Variants in ARHGEF12 observed in about 807,000 individuals in gnomAD.
ARHGEF12 encodes the protein KMT2A/ARHGEF12 fusion protein.
In ARHGEF12, 66 loss-of-function variants were observed where a neutral mutation model predicts 211.2. That is an observed-to-expected ratio of 0.31 (90% CI 0.26 to 0.38). ARHGEF12 has a LOEUF of 0.38. ARHGEF12 is among the 10% of genes least tolerant of loss of function. ARHGEF12 has a pLI of 1.00. For synonymous variants in ARHGEF12, 592 were observed against 638.4 expected, an observed-to-expected ratio of 0.93 and a Z score of 1.09; for missense variants, 1,429 against 1,869.5, an observed-to-expected ratio of 0.76 and a Z score of 4.34.
chr11:120,405,762 T>C (rs982771162), intron 1 of ARHGEF12, among the ~76,000 whole-genome samples: 2 of 152,218 alleles, frequency 1.3e-5, no homozygotes, highest in Non-Finnish European at 2.9e-5. Flanking sequence ...TATCTCTTCA[T>C]AGAGATTTCT....
chr11:120,435,612 T>C (rs1242767572), intron 11 of ARHGEF12, among the ~76,000 whole-genome samples: 1 of 151,396 alleles, frequency 6.6e-6, no homozygotes, highest in African/African-American at 2.4e-5. Flanking sequence ...CCTCCCGGGT[T>C]CGTGCCATTC....
At chr11:120,477,888 A>T (rs11217886) in intron 36 of ARHGEF12, among the ~76,000 whole-genome samples, 1 of 144,096 alleles carries the variant, frequency 6.9e-6, no homozygotes, top group African/African-American at 2.5e-5. Context: ...AAAAAGAAAA[A>T]AAAGAAAATA....
chr11:120,451,471 C>G, intron 21 of ARHGEF12, 41 bp from the exon 22 acceptor site: 1 of 1,601,594 alleles, frequency 6.2e-7, no homozygotes, highest in Non-Finnish European at 8.5e-7. Flanking sequence ...GCCACCGCAC[C>G]CAGCCGCAAT....
chr11:120,477,081 TTTGTTGTTG>T (rs146792075), intron 34 of ARHGEF12, 129 bp from the exon 35 acceptor site: 90,314 of 661,412 alleles, frequency 0.14, 6,733 homozygotes, highest in Middle Eastern at 0.16. Flanking sequence ...CAGAGTGGGT[TTTGTTGTTG>T]TTGTTGTTGT....
intron 1 of ARHGEF12, among the ~76,000 whole-genome samples, chr11:120,380,060 C>T (rs145488801): frequency 1.3e-5 from 2 of 152,114 alleles, no homozygotes; most frequent in Non-Finnish European, 2.9e-5. Flanking sequence ...GATAATTCAC[C>T]AGTGAAGTGA....
At chr11:120,483,258 CTTTTTTTTTTTTT>C (rs777120176) in intron 39 of ARHGEF12, among the ~76,000 whole-genome samples, 2 of 97,504 alleles carry the variant, frequency 2.1e-5, no homozygotes, top group Non-Finnish European at 3.9e-5. Context: ...CCATAATAAT[CTTTTTTTTTTTTT>C]TTTTTTTTTG....
intron 6 of ARHGEF12, among the ~76,000 whole-genome samples, chr11:120,423,981 A>C (rs1565470459): frequency 6.6e-6 from 1 of 152,180 alleles, no homozygotes; most frequent in Non-Finnish European, 1.5e-5. Context: ...TATTTTAAAA[A>C]TTATTTTTTA....
intron 1 of ARHGEF12, among the ~76,000 whole-genome samples, chr11:120,379,109 G>A (rs117080794): frequency 1.2e-3 from 183 of 152,200 alleles, no homozygotes; most frequent in Non-Finnish European, 1.4e-3. Context: ...TAATTTAGTA[G>A]TCTTCTTTAA....
chr11:120,446,198 AAATAAT>A (rs59459827), intron 16 of ARHGEF12, among the ~76,000 whole-genome samples, 199 bp from the exon 17 acceptor site: 1,467 of 140,294 alleles, frequency 0.01, 18 homozygotes, highest in African/African-American at 0.024. Flanking sequence ...ACTCCATCTC[AAATAAT>A]AATAATAATA....
intron 1 of ARHGEF12, among the ~76,000 whole-genome samples, chr11:120,375,472 C>T (rs754208752): frequency 1.3e-5 from 2 of 151,594 alleles, no homozygotes; most frequent in South Asian, 2.1e-4. Flanking sequence ...AAAAAGCACC[C>T]GTACAATTAT....
At chr11:120,378,199 T>C (rs1943785300) in intron 1 of ARHGEF12, among the ~76,000 whole-genome samples, 1 of 152,246 alleles carries the variant, frequency 6.6e-6, no homozygotes, top group African/African-American at 2.4e-5. Context: ...GTCTTTTTAA[T>C]TTTAGTCATT....
chr11:120,460,573 A>G, intron 26 of ARHGEF12, 99 bp from the exon 27 acceptor site: 2 of 830,368 alleles, frequency 2.4e-6, no homozygotes, highest in Admixed American at 2.4e-5. Flanking sequence ...TACTGTGAAA[A>G]TCGTCTTTAT....
Position 120,480,028 on chromosome 11 carries a change from C to A in ARHGEF12, c.3835C>A (p.Gln1279Lys). Residue 1279 changes from glutamine to lysine, a missense_variant, in exon 38 of 41, where the codon CAA (glutamine) becomes AAA (lysine). Physicochemically the swap from Gln to Lys is moderately conservative, Grantham distance 53. Around this residue, in one of 7 missense-constraint regions of ARHGEF12, gnomAD observed 467 missense variants for 468.4 expected, o/e 1.00. Transcript: ENST00000397843. The part of the protein sequence containing the change: ...LTEKSVQEDW[Q>K]HFPRYRTASQ... ...TGAGAAGAGCGTTCAGGAAGACTGG[C>A]AACATTTCCCAAGATACAGAACAGC... 2 of 1,614,052 alleles carry A rather than the reference C, an allele frequency of 1.2e-6. No homozygotes were observed. The highest frequency in any genetic ancestry group is 1.7e-6 in the Non-Finnish European group (2 of 1,180,022).
At chr11:120,425,587 A>G (rs755301479) in intron 7 of ARHGEF12, among the ~76,000 whole-genome samples, 1 of 151,958 alleles carries the variant, frequency 6.6e-6, no homozygotes, top group Non-Finnish European at 1.5e-5. Context: ...ACGAGCCACT[A>G]TACCTGGCCA....
At chr11:120,449,516 C>A in intron 21 of ARHGEF12, 1 of 244,614 alleles carries the variant, frequency 4.1e-6, no homozygotes, top group South Asian at 8.5e-5. Context: ...CTGGCTAACA[C>A]AATGAAGCCT....
chr11:120,337,982 T>A lies in ARHGEF12; in HGVS notation c.32+707T>A, dbSNP rs1196384880. On this transcript the variant is annotated intron_variant, in intron 1 of 40. Coordinates refer to ENST00000397843, the MANE Select transcript of ARHGEF12 (RefSeq NM_015313.3). ...CATAGTGTAAGCGCGCAGCTGAATTTGTTGAGTTCTGTGTCTGTCCTTTAT... is the reference window on the plus strand; with the variant it reads ...CATAGTGTAAGCGCGCAGCTGAATTAGTTGAGTTCTGTGTCTGTCCTTTAT... 3.5e-6 allele frequency: 3 copies of A among 863,994 alleles called. No homozygotes were observed. In the African/African-American group the frequency reaches 5.5e-5, roughly 16 times the overall value. The allele number at this position is 863,994 out of a possible 1,614,324, so 53.5% of individuals were successfully genotyped here.
chr11:120,377,772 G>A (rs1943770480), intron 1 of ARHGEF12, among the ~76,000 whole-genome samples: 3 of 152,114 alleles, frequency 2.0e-5, no homozygotes, highest in African/African-American at 4.8e-5. Flanking sequence ...TGACCTGTTG[G>A]TGGAGGTTTG....
At position 120,429,455 on chromosome 11, in the gene ARHGEF12, G is replaced by A; in HGVS notation, c.601G>A (p.Val201Ile). 2 of 1,613,372 alleles carry A rather than the reference G, an allele frequency of 1.2e-6. No individual in the cohort carries two copies. The highest frequency in any genetic ancestry group is 8.5e-7 in the Non-Finnish European group (1 of 1,179,576). ...PVLMGEENNV[V>I]HNQKVEILRK... ...TCTTTTCTAGGAGGAAAACAATGTGGTTCATAACCAGAAAGTAGAAATTCT... is the reference window on the plus strand; with the variant it reads ...TCTTTTCTAGGAGGAAAACAATGTGATTCATAACCAGAAAGTAGAAATTCT... Residue 201 changes from valine (V) to isoleucine (I), a missense_variant, in exon 9 of 41, where the codon GTT (valine) becomes ATT (isoleucine). By Grantham distance (29) the Val-to-Ile change is conservative (BLOSUM62 3). This residue lies in a region of ARHGEF12 where 254 missense variants were observed against 286.4 expected (regional missense o/e 0.89). Transcript: ENST00000397843.
intron 23 of ARHGEF12, 78 bp from the exon 24 acceptor site, chr11:120,457,643 T>C: frequency 9.2e-7 from 1 of 1,091,908 alleles, no homozygotes; most frequent in East Asian, 2.5e-5. Flanking sequence ...GAGTTTAACC[T>C]AGCTTTGAGT....
Sources: gnomAD v4.1 joint callset for allele counts (sites outside exome capture counted in the v4.1 genomes callset) on GRCh38, gnomAD v4.1.1 for gene constraint, gnomAD v4.1.1 regional missense constraint, MANE v1.5 for transcripts, NCBI Gene and HGNC (gene_info 2026-07-23, HGNC 2026-07-21) for gene names.